DTNBP1: variants seen among roughly 807,000 people sequenced by gnomAD.
DTNBP1 encodes dysbindin.
DTNBP1 carries 35 observed loss-of-function variants against 42.8 expected under a neutral mutation model. The ratio of observed to expected loss-of-function variants is 0.82; its 90% CI spans 0.63 to 1.09. The LOEUF is 1.09. Among genes scored for constraint, DTNBP1 ranks in the 50% least tolerant of loss-of-function variants. The probability of loss-of-function intolerance (pLI) is 0.00; values close to 1 mark genes in which losing one functional copy is unlikely to be tolerated. For synonymous variants in DTNBP1, 171 were observed against 162.2 expected (o/e 1.05, Z -0.41); for missense variants, 457 against 424.2 (o/e 1.08, Z -0.68).
intron 1 of DTNBP1, among the ~76,000 whole-genome samples, chr6:15,653,151 A>C (rs1761106343): frequency 6.6e-6 from 1 of 152,212 alleles, no homozygotes; most frequent in Non-Finnish European, 1.5e-5. Flanking sequence ...ATTTTAGTTG[A>C]GAAAAAGCTT....
chr6:15,589,015 A>T (rs968968414), intron 7 of DTNBP1, among the ~76,000 whole-genome samples: 2 of 152,254 alleles, frequency 1.3e-5, no homozygotes, highest in African/African-American at 4.8e-5. Context: ...GGACAGTAAC[A>T]TCATCCAACC....
At position 15,587,784 on chromosome 6, in the gene DTNBP1, C is replaced by T. The variant is rs1005394276; in HGVS notation, c.511+5275G>A. ...AAAATGAAGGTAGACTTTTAACTCA[C>T]ACGAACACAAGGCTTAACTGAAAAT... On this transcript the variant is annotated intron_variant, in intron 7 of 9. Transcript: ENST00000344537. This position sits in a 1 kb window ranked among gnomAD's most constrained non-coding sequence, Gnocchi z 4.1. Among the ~76,000 whole-genome samples the T allele has an allele frequency of 1.8e-4, 28 of 152,190 alleles. No individual in the cohort carries two copies. The highest frequency in any genetic ancestry group is 6.3e-4 in the African/African-American group (26 of 41,438).
At chr6:15,523,654 G>A (rs1468772812) in intron 9 of DTNBP1, 10 of 1,287,248 alleles carry the variant, frequency 7.8e-6, no homozygotes, top group Non-Finnish European at 1.0e-5. Flanking sequence ...CAATTTTATG[G>A]AACTAAATAG....
intron 3 of DTNBP1, among the ~76,000 whole-genome samples, chr6:15,648,682 G>A (rs943655981): frequency 3.9e-5 from 6 of 151,932 alleles, no homozygotes; most frequent in Non-Finnish European, 7.4e-5. Context: ...TAACAAAGAT[G>A]ATGAAAGACT....
At chr6:15,585,049 TGAAATTATGAAAAGAA>T in intron 7 of DTNBP1, among the ~76,000 whole-genome samples, 2 of 135,826 alleles carry the variant, frequency 1.5e-5, no homozygotes, top group African/African-American at 5.6e-5. Context: ...TGAAGTTATA[TGAAATTATGAAAAGAA>T]TATATATATA....
chr6:15,564,668 A>C (rs1486205911), intron 7 of DTNBP1, among the ~76,000 whole-genome samples: 2 of 152,204 alleles, frequency 1.3e-5, no homozygotes, highest in African/African-American at 4.8e-5. Context: ...TCAGACTCCC[A>C]AAGTGCTGGG....
intron 7 of DTNBP1, among the ~76,000 whole-genome samples, chr6:15,564,543 G>C (rs1175386898): frequency 6.6e-6 from 1 of 151,978 alleles, no homozygotes; most frequent in Non-Finnish European, 1.5e-5. Flanking sequence ...AAGTAGCTGG[G>C]TTTACAGGCG....
rs1772991696 is a variant in DTNBP1 at position 15,533,232 on chromosome 6, C to T, written c.667+8G>A. ...GTCCCCACACCAGCAGCCCCAGCCCCCACTCGCCTCGCCGCTCTGCAATCT... is the reference window on the plus strand; with the variant it reads ...GTCCCCACACCAGCAGCCCCAGCCCTCACTCGCCTCGCCGCTCTGCAATCT... On this transcript the variant is annotated splice_region_variant and intron_variant, in intron 8 of 9. Transcript: ENST00000344537. The T allele has an allele frequency of 1.2e-6, 2 of 1,613,264 alleles. No individual in the cohort carries two copies. Among genetic ancestry groups the T allele is most frequent in the African/African-American group, 1.3e-5 (1 of 74,884 alleles).
At chr6:15,537,413 C>T (rs7745907) in intron 7 of DTNBP1, among the ~76,000 whole-genome samples, 121,647 of 150,674 alleles carry the variant, frequency 0.81, 49,486 homozygotes, top group East Asian at 1. Flanking sequence ...TGGGCGACAG[C>T]GTGAGACTGC....
chr6:15,548,586 A>C (rs927851777), intron 7 of DTNBP1, among the ~76,000 whole-genome samples: 4 of 152,156 alleles, frequency 2.6e-5, no homozygotes, highest in African/African-American at 9.7e-5. Flanking sequence ...CCTTGTTTCC[A>C]ACATTTTGAT....
Position 15,535,333 on chromosome 6 carries a change from CAG to C in DTNBP1, c.512-1940_512-1939del, listed in dbSNP as rs554441510. 2.6e-3 allele frequency among the ~76,000 whole-genome samples: 391 copies of C among 152,088 alleles called. 7 individuals are homozygous for C. The highest frequency in any genetic ancestry group is 0.019 in the Admixed American group (295 of 15,272). Reference sequence around the variant, plus strand: ...TATAAATTACCTATTTTTTTTGAGACAGAGTCTTACTCTGTTCCCCAAGCTGA... The same window carrying C: ...TATAAATTACCTATTTTTTTTGAGACAGTCTTACTCTGTTCCCCAAGCTGA... On this transcript the variant is annotated intron_variant, in intron 7 of 9. Coordinates refer to ENST00000344537, the MANE Select transcript of DTNBP1 (RefSeq NM_032122.5).
At chr6:15,628,398 C>CTTTTTTTTTTTTTT (rs70996561) in intron 4 of DTNBP1, among the ~76,000 whole-genome samples, 2 of 77,060 alleles carry the variant, frequency 2.6e-5, no homozygotes, top group Non-Finnish European at 4.8e-5. Flanking sequence ...GATTAAGGTT[C>CTTTTTTTTTTTTTT]TTTTTTTTTT....
At chr6:15,588,067 G>T (rs1433048151) in intron 7 of DTNBP1, among the ~76,000 whole-genome samples, 1 of 152,104 alleles carries the variant, frequency 6.6e-6, no homozygotes, top group African/African-American at 2.4e-5. Flanking sequence ...ATTCAAAATA[G>T]GCAAAACCTG....
At chr6:15,569,361 C>T (rs867634651) in intron 7 of DTNBP1, among the ~76,000 whole-genome samples, 3 of 138,640 alleles carry the variant, frequency 2.2e-5, no homozygotes, top group Admixed American at 2.1e-4. Flanking sequence ...AGACCCCCCC[C>T]CGCCCGCCCC....
chr6:15,647,673 A>C (rs906194543), intron 3 of DTNBP1, among the ~76,000 whole-genome samples: 1 of 151,924 alleles, frequency 6.6e-6, no homozygotes, highest in Non-Finnish European at 1.5e-5. Flanking sequence ...ATGTATGCTA[A>C]CAAACTGTAT....
In DTNBP1 at chr6:15,523,128, G is replaced by A; in HGVS notation, c.903C>T (p.Thr301=). The A allele has an allele frequency of 2.5e-6, 4 of 1,614,256 alleles. No individual in the cohort carries two copies. Among genetic ancestry groups the A allele is most frequent in the Non-Finnish European group, 3.4e-6 (4 of 1,180,050 alleles). ...TGTCCCGGGTGGCCGAGTCGGTGCAGGTGGAGGAAGAAGAAGGTGGCTTGG... is the reference window on the plus strand; with the variant it reads ...TGTCCCGGGTGGCCGAGTCGGTGCAAGTGGAGGAAGAAGAAGGTGGCTTGG... ...LRAKPPSSSS[T]CTDSATRDIS... The change falls in exon 10 of 10, where the codon ACC becomes ACT. Residue 301 remains threonine, a synonymous_variant. Coordinates refer to ENST00000344537, the MANE Select transcript of DTNBP1 (RefSeq NM_032122.5).
At chr6:15,553,660 T>C (rs1227670873) in intron 7 of DTNBP1, among the ~76,000 whole-genome samples, 1 of 140,474 alleles carries the variant, frequency 7.1e-6, no homozygotes, top group Admixed American at 7.7e-5. Flanking sequence ...CCTATGTAGG[T>C]TCCTTAGAAG....
At chr6:15,555,979 T>C (rs943369608) in intron 7 of DTNBP1, among the ~76,000 whole-genome samples, 9 of 152,228 alleles carry the variant, frequency 5.9e-5, no homozygotes, top group African/African-American at 2.2e-4. Flanking sequence ...CCCAAAAGAA[T>C]AGACTGCAGC....
intron 6 of DTNBP1, among the ~76,000 whole-genome samples, chr6:15,597,830 T>C (rs929379823): frequency 1.3e-5 from 2 of 152,214 alleles, no homozygotes; most frequent in African/African-American, 2.4e-5. Flanking sequence ...AAAGAGGCCA[T>C]TGCTGTAATA....
Sources: gnomAD v4.1 joint callset for allele counts (sites outside exome capture counted in the v4.1 genomes callset) on GRCh38, gnomAD v4.1.1 for gene constraint, Gnocchi (gnomAD v3.1) non-coding constraint, MANE v1.5 for transcripts, NCBI Gene and HGNC (gene_info 2026-07-23, HGNC 2026-07-21) for gene names.